The following SPPL3 variants were observed in gnomAD, a reference collection of about 807,000 sequenced individuals.
SPPL3 encodes signal peptide peptidase like 3, also known as signal peptide peptidase-like 3.
Under a neutral mutation model 42.4 loss-of-function variants are expected in SPPL3, and 5 were observed. The ratio of observed to expected loss-of-function variants is 0.12; its 90% confidence interval spans 0.06 to 0.25. SPPL3 has a LOEUF of 0.25. Ranked by LOEUF, SPPL3 falls within the 10% of genes least tolerant of loss-of-function variation. SPPL3 has a pLI of 1.00. For synonymous variants in SPPL3, 195 were observed against 181.8 expected (o/e 1.07, Z -0.58); for missense variants, 235 against 489.0 (o/e 0.48, Z 4.90).
intron 2 of SPPL3, among the ~76,000 whole-genome samples, chr12:120,794,984 A>G (rs931917350): frequency 2.6e-5 from 4 of 152,238 alleles, no homozygotes; most frequent in African/African-American, 9.6e-5. Context: ...ATTCATGTAT[A>G]GTATAAACTC....
chr12:120,792,903 G>A (rs1869969451), intron 2 of SPPL3, among the ~76,000 whole-genome samples: 1 of 151,960 alleles, frequency 6.6e-6, no homozygotes, highest in African/African-American at 2.4e-5. Context: ...TGGATTTGGA[G>A]TAGATTCTTA....
intron 1 of SPPL3, among the ~76,000 whole-genome samples, chr12:120,826,100 C>T (rs1871223508): frequency 6.6e-6 from 1 of 151,866 alleles, no homozygotes; most frequent in Admixed American, 6.6e-5. Flanking sequence ...TCGAGACCAG[C>T]CTGACCAACA....
Position 120,859,043 on chromosome 12 carries a change from G to C in SPPL3, c.23+44802C>G, listed in dbSNP as rs61946366. ...TTTGTTCTGCCTCATTGCATTTCTT[G>C]AAGGCATAGTAAGAAAATCTCTCTA... On this transcript the variant is annotated intron_variant, in intron 1 of 10. Transcript: ENST00000353487. 6.6e-5 allele frequency among the ~76,000 whole-genome samples: 10 copies of C among 152,100 alleles called. No individual in the cohort carries two copies. The South Asian group carries it at 1.7e-3, about 25-fold the overall frequency.
intron 1 of SPPL3, among the ~76,000 whole-genome samples, chr12:120,818,286 T>C (rs912437801): frequency 6.6e-6 from 1 of 152,218 alleles, no homozygotes; most frequent in Non-Finnish European, 1.5e-5. Context: ...CTTGAAGACT[T>C]TGTCAACTGA....
chr12:120,804,311 A>C (rs1424600013), intron 2 of SPPL3, among the ~76,000 whole-genome samples: 2 of 152,210 alleles, frequency 1.3e-5, no homozygotes, highest in Non-Finnish European at 2.9e-5. Flanking sequence ...AACAATTATA[A>C]GCATACAGAA....
intron 1 of SPPL3, among the ~76,000 whole-genome samples, chr12:120,898,604 G>A (rs1246449514): frequency 6.6e-6 from 1 of 151,944 alleles, no homozygotes; most frequent in Non-Finnish European, 1.5e-5. Flanking sequence ...GTACCAACAG[G>A]TAGATAATGG....
At chr12:120,777,818 A>T (rs78962041) in intron 6 of SPPL3, among the ~76,000 whole-genome samples, 2,120 of 152,310 alleles carry the variant, frequency 0.014, 37 homozygotes, top group African/African-American at 0.045. Flanking sequence ...ACATGTTTTT[A>T]TAAGGGAATA....
intron 1 of SPPL3, among the ~76,000 whole-genome samples, chr12:120,834,577 G>A (rs533790724): frequency 6.6e-6 from 1 of 152,296 alleles, no homozygotes; most frequent in South Asian, 2.1e-4. Flanking sequence ...TAAAACAAAT[G>A]AAGGCATTTC....
In SPPL3 at chr12:120,764,662, G is replaced by T; in HGVS notation, c.*337C>A. ...TTCAAAAGTTCTAGAAAGACTCCTC[G>T]CTGTTTTCAGTTTTTAAACAGTCAA... On this transcript the variant is annotated 3_prime_UTR_variant, in exon 11 of 11. Transcript: ENST00000353487. 1 of 393,630 alleles carries T rather than the reference G, an allele frequency of 2.5e-6. No homozygotes were observed. The highest frequency in any genetic ancestry group is 4.5e-6 in the Non-Finnish European group (1 of 223,324). The allele number at this position is 393,630 out of a possible 1,614,324, so 24.4% of individuals were successfully genotyped here.
chr12:120,898,631 A>G (rs1169796564), intron 1 of SPPL3, among the ~76,000 whole-genome samples: 1 of 152,090 alleles, frequency 6.6e-6, no homozygotes, highest in East Asian at 1.9e-4. Context: ...CCCAGCAAAG[A>G]GGCTAATACA....
intron 1 of SPPL3, among the ~76,000 whole-genome samples, chr12:120,849,666 A>C (rs1872159820): frequency 6.6e-6 from 1 of 152,154 alleles, no homozygotes; most frequent in Non-Finnish European, 1.5e-5. Flanking sequence ...CAGGCATGCT[A>C]GTTAGCTATG....
At chr12:120,857,417 G>A (rs983160322) in intron 1 of SPPL3, among the ~76,000 whole-genome samples, 10 of 152,268 alleles carry the variant, frequency 6.6e-5, no homozygotes, top group Admixed American at 2.0e-4. Flanking sequence ...ACACTGTGGC[G>A]ATTCCTCAAG....
chr12:120,791,608 G>T, intron 2 of SPPL3, 51 bp from the exon 3 acceptor site: 2 of 1,194,374 alleles, frequency 1.7e-6, no homozygotes, highest in Non-Finnish European at 2.4e-6. Context: ...ACAAAAGAAG[G>T]TCAGAAAAGT....
intron 1 of SPPL3, among the ~76,000 whole-genome samples, chr12:120,902,172 T>G (rs10849814): frequency 0.11 from 15,992 of 152,252 alleles, 1,030 homozygotes; most frequent in East Asian, 0.3. Context: ...GAAATTAGCT[T>G]AAACCTCTTT....
chr12:120,873,051 AAC>A (rs1872977057), intron 1 of SPPL3, among the ~76,000 whole-genome samples: 1 of 152,366 alleles, frequency 6.6e-6, no homozygotes, highest in African/African-American at 2.4e-5. Context: ...ATGGAATTAG[AAC>A]ACAAGGACGT....
chr12:120,867,707 T>C (rs1041037868), intron 1 of SPPL3, among the ~76,000 whole-genome samples: 14 of 151,238 alleles, frequency 9.3e-5, no homozygotes, highest in South Asian at 4.2e-4. Flanking sequence ...AAGTTTATCT[T>C]AGAGTTGAAC....
chr12:120,829,520 T>C (rs1266877076), intron 1 of SPPL3, among the ~76,000 whole-genome samples: 1 of 151,902 alleles, frequency 6.6e-6, no homozygotes, highest in African/African-American at 2.4e-5. Flanking sequence ...CGCTTGGACC[T>C]AGGGGGCAGG....
chr12:120,881,207 G>A (rs538017417), intron 1 of SPPL3, among the ~76,000 whole-genome samples: 17 of 151,652 alleles, frequency 1.1e-4, no homozygotes, highest in East Asian at 5.8e-4. Context: ...GGTGGCTCCC[G>A]CCTGTAATCC....
At chr12:120,792,129 T>G (rs942396090) in intron 2 of SPPL3, among the ~76,000 whole-genome samples, 6 of 152,306 alleles carry the variant, frequency 3.9e-5, no homozygotes, top group Middle Eastern at 3.4e-3. Flanking sequence ...CATAGCGTGT[T>G]CATGGCAGGT....
Sources: allele counts gnomAD v4.1 joint callset (sites outside exome capture counted in the v4.1 genomes callset), GRCh38; gene constraint gnomAD v4.1.1; transcripts MANE v1.5; gene names NCBI Gene and HGNC (gene_info 2026-07-23, HGNC 2026-07-21).